KCNB2: variants seen among roughly 807,000 people sequenced by gnomAD.
The protein encoded by KCNB2 is potassium voltage-gated channel subfamily B member 2, also known as delayed rectifier potassium channel protein.
In KCNB2, 15 loss-of-function variants were observed where a neutral mutation model predicts 61.5. That is an observed-to-expected ratio of 0.24 (90% CI 0.16 to 0.38). The LOEUF (loss-of-function observed/expected upper bound fraction) is 0.38. Among genes scored for constraint, KCNB2 ranks in the 10% least tolerant of loss-of-function variants. The pLI, the probability that KCNB2 is intolerant of heterozygous loss-of-function variation, is 1.00. For synonymous variants in KCNB2, 457 were observed against 446.0 expected (o/e 1.02, Z -0.31); for missense variants, 828 against 1,125.2 (o/e 0.74, Z 3.78).
chr8:72,797,369 T>C (rs1809048643), intron 2 of KCNB2, among the ~76,000 whole-genome samples: 1 of 152,138 alleles, frequency 6.6e-6, no homozygotes, highest in Non-Finnish European at 1.5e-5. Flanking sequence ...CTAATAAACA[T>C]AATCCTGCCA....
chr8:72,844,341 C>T (rs1370876666), intron 2 of KCNB2, among the ~76,000 whole-genome samples: 1 of 152,150 alleles, frequency 6.6e-6, no homozygotes, highest in African/African-American at 2.4e-5. Context: ...TTGTGGGTAA[C>T]CTGACCTTTC....
Position 72,742,445 on chromosome 8 carries a change from C to T in KCNB2, c.579+174132C>T, listed in dbSNP as rs986117317. Among the ~76,000 whole-genome samples the T allele has an allele frequency of 3.3e-5, 5 of 152,134 alleles. No individual in the cohort carries two copies. In the South Asian group the frequency reaches 8.3e-4, roughly 25 times the overall value. On this transcript the variant is annotated intron_variant, in intron 2 of 2. Coordinates refer to ENST00000523207, the MANE Select transcript of KCNB2 (RefSeq NM_004770.3). ...AAGGGTGGTATAAATTAAGACTTTA[C>T]ACCCATGGCTGGTGCAGCCTTGGGA...
intron 2 of KCNB2, among the ~76,000 whole-genome samples, chr8:72,615,934 ATTTAAG>A (rs1468483037): frequency 6.6e-6 from 1 of 152,206 alleles, no homozygotes. Context: ...ACAAAAGATA[ATTTAAG>A]TTTAAGTTGA....
chr8:72,776,210 T>C lies in KCNB2; in HGVS notation c.580-159725T>C, dbSNP rs1007817249. On this transcript the variant is annotated intron_variant, in intron 2 of 2. Transcript: ENST00000523207. ...GGTGGGAATTGAACAATGAGAACACTTGGACACAGGAAGGGGAATATCACA... is the reference window on the plus strand; with the variant it reads ...GGTGGGAATTGAACAATGAGAACACCTGGACACAGGAAGGGGAATATCACA... Among the ~76,000 whole-genome samples the C allele has an allele frequency of 4.5e-5, 6 of 132,540 alleles. No homozygotes were observed. In the Admixed American group the frequency reaches 4.7e-4, roughly 10 times the overall value. The allele number at this position is 132,540 out of a possible 152,430, so 87.0% of individuals were successfully genotyped here. A position where few individuals can be genotyped will look rare whatever the true frequency, so the allele number is the denominator to read the frequency against.
At chr8:72,808,430 A>G (rs938737035) in intron 2 of KCNB2, among the ~76,000 whole-genome samples, 3 of 152,338 alleles carry the variant, frequency 2.0e-5, no homozygotes, top group South Asian at 2.1e-4. Context: ...AGCACCTAAT[A>G]TAGTGCCTGG....
intron 2 of KCNB2, among the ~76,000 whole-genome samples, chr8:72,604,729 T>C (rs2128982811): frequency 6.6e-6 from 1 of 152,364 alleles, no homozygotes; most frequent in East Asian, 1.9e-4. Context: ...TCTATATTTT[T>C]CTGCAAAGTG....
At chr8:72,785,472 C>G (rs1808831639) in intron 2 of KCNB2, among the ~76,000 whole-genome samples, 1 of 152,098 alleles carries the variant, frequency 6.6e-6, no homozygotes, top group African/African-American at 2.4e-5. Flanking sequence ...GGTTCTTTCA[C>G]TCTCTGGAAA....
chr8:72,718,145 A>C (rs1156476686), intron 2 of KCNB2, among the ~76,000 whole-genome samples: 1 of 152,162 alleles, frequency 6.6e-6, no homozygotes, highest in East Asian at 1.9e-4. Context: ...AATGGCAATC[A>C]TTAAAAAGTC....
intron 1 of KCNB2, among the ~76,000 whole-genome samples, chr8:72,561,735 C>A (rs5002652): frequency 0.42 from 8,652 of 20,810 alleles, 1,874 homozygotes; most frequent in Non-Finnish European, 0.47. Context: ...ATATCTATAT[C>A]TATATATATA....
At chr8:72,783,168 A>C (rs1271787507) in intron 2 of KCNB2, among the ~76,000 whole-genome samples, 1 of 152,132 alleles carries the variant, frequency 6.6e-6, no homozygotes, top group African/African-American at 2.4e-5. Context: ...AAAATAGTCA[A>C]CCCACCATTA....
intron 2 of KCNB2, among the ~76,000 whole-genome samples, chr8:72,757,506 C>A (rs146982041): frequency 4.8e-4 from 73 of 151,934 alleles, no homozygotes; most frequent in Non-Finnish European, 8.4e-4. Flanking sequence ...GAAACTCTTA[C>A]CAATAAAGAG....
At chr8:72,678,080 T>G (rs1368429445) in intron 2 of KCNB2, among the ~76,000 whole-genome samples, 1 of 152,190 alleles carries the variant, frequency 6.6e-6, no homozygotes, top group Non-Finnish European at 1.5e-5. Flanking sequence ...CTCTTCCTGT[T>G]GTGTGAACTA....
At chr8:72,666,892 T>C (rs903423058) in intron 2 of KCNB2, among the ~76,000 whole-genome samples, 9 of 152,144 alleles carry the variant, frequency 5.9e-5, no homozygotes, top group South Asian at 2.1e-4. Flanking sequence ...TGCTTTTATT[T>C]TTGGTTTTCC....
At chr8:72,772,800 T>C (rs1032814732) in intron 2 of KCNB2, among the ~76,000 whole-genome samples, 7 of 152,218 alleles carry the variant, frequency 4.6e-5, no homozygotes, top group Non-Finnish European at 1.0e-4. Context: ...AAAGATGTTC[T>C]GTTCCAAAGC....
At chr8:72,740,942 T>A (rs558848564) in intron 2 of KCNB2, among the ~76,000 whole-genome samples, 8 of 152,220 alleles carry the variant, frequency 5.3e-5, no homozygotes, top group Non-Finnish European at 8.8e-5. Flanking sequence ...GTCTTAGATG[T>A]CTCACAGTTT....
At chr8:72,791,323 G>A (rs1482816410) in intron 2 of KCNB2, among the ~76,000 whole-genome samples, 1 of 152,140 alleles carries the variant, frequency 6.6e-6, no homozygotes, top group Non-Finnish European at 1.5e-5. Flanking sequence ...ACCAAGTTAG[G>A]TGGATCACTT....
At chr8:72,887,538 C>A (rs757066246) in intron 2 of KCNB2, among the ~76,000 whole-genome samples, 2 of 152,130 alleles carry the variant, frequency 1.3e-5, no homozygotes, top group African/African-American at 4.8e-5. Context: ...AGGAAGAGGG[C>A]TTCTGACCAA....
At chr8:72,833,264 A>T (rs73686542) in intron 2 of KCNB2, among the ~76,000 whole-genome samples, 4,171 of 152,278 alleles carry the variant, frequency 0.027, 188 homozygotes, top group African/African-American at 0.093. Context: ...TTTGATCAGC[A>T]TGAAGAGATG....
intron 1 of KCNB2, among the ~76,000 whole-genome samples, chr8:72,555,969 G>T (rs2128977722): frequency 6.6e-6 from 1 of 151,954 alleles, no homozygotes; most frequent in South Asian, 2.1e-4. Context: ...GTTTGTTTTT[G>T]AATATTTTCT....
Sources: allele counts gnomAD v4.1 joint callset (sites outside exome capture counted in the v4.1 genomes callset), GRCh38; gene constraint gnomAD v4.1.1; transcripts MANE v1.5; gene names NCBI Gene and HGNC (gene_info 2026-07-23, HGNC 2026-07-21).